Variants in PRKD3 observed in about 807,000 individuals in gnomAD.
PRKD3 encodes protein kinase D3, also known as serine/threonine-protein kinase D3.
PRKD3 carries 47 observed loss-of-function variants against 99.2 expected under a neutral mutation model. The ratio of observed to expected loss-of-function variants is 0.47; its 90% CI spans 0.38 to 0.60. PRKD3 has a LOEUF of 0.60. PRKD3 is among the 20% of genes least tolerant of loss of function. The pLI is 0.00. For missense variants in PRKD3, 1,019 were observed against 1,088.4 expected (o/e 0.94, Z 0.90); for synonymous variants, 392 against 355.4 (o/e 1.10, Z -1.16).
Position 37,273,904 on chromosome 2 carries a change from A to C in PRKD3, c.1651+517T>G, listed in dbSNP as rs150757195. On this transcript the variant is annotated intron_variant, in intron 11 of 18. Transcript: ENST00000234179. ...TGTTGGTGCAAAACATGTTTCAGTG[A>C]TTTTTAAATATTTCTGTATGTTTTA... Among the ~76,000 whole-genome samples the C allele has an allele frequency of 3.9e-3, 600 of 152,290 alleles. 6 individuals carry two copies. Among genetic ancestry groups the C allele is most frequent in the African/African-American group, 0.014 (567 of 41,554 alleles).
intron 2 of PRKD3, among the ~76,000 whole-genome samples, chr2:37,294,281 G>C (rs184420516): frequency 8.7e-4 from 133 of 152,172 alleles, no homozygotes; most frequent in Non-Finnish European, 1.4e-3. Flanking sequence ...GTTCTGTAGA[G>C]ACAGGGGTCT....
chr2:37,287,384 T>A (rs184535320), intron 5 of PRKD3, among the ~76,000 whole-genome samples: 20 of 152,212 alleles, frequency 1.3e-4, no homozygotes, highest in Admixed American at 1.2e-3. Flanking sequence ...CCCTTTTTTT[T>A]CTTTTTTCTC....
chr2:37,300,450 A>C (rs990047141), intron 2 of PRKD3, among the ~76,000 whole-genome samples: 13 of 152,218 alleles, frequency 8.5e-5, no homozygotes, highest in Non-Finnish European at 1.0e-4. Context: ...AATAAGATCC[A>C]GTGTTTGGTA....
intron 3 of PRKD3, among the ~76,000 whole-genome samples, chr2:37,292,639 C>T (rs2888463): frequency 0.16 from 24,123 of 150,956 alleles, 2,042 homozygotes; most frequent in South Asian, 0.28. Flanking sequence ...AGCCACCGCG[C>T]CAGGCCTTTC....
rs551181166 is a variant in PRKD3, at chr2:37,297,673, G to T, written c.289-4402C>A. On this transcript the variant is annotated intron_variant, in intron 2 of 18. Transcript: ENST00000234179. The stretch of plus-strand genomic sequence containing the variant: ...TTAACAATCTTGGCTGTTTTGAGAA[G>T]TTCTGGTCAGGTATATTGCAGGAGG... 1.3e-4 allele frequency among the ~76,000 whole-genome samples: 20 copies of T among 152,314 alleles called. No homozygotes were observed. In the South Asian group the frequency reaches 3.7e-3, roughly 28 times the overall value.
chr2:37,286,319 G>A lies in PRKD3; in HGVS notation c.768C>T (p.Arg256=), dbSNP rs1280953715. 20 of 1,613,916 alleles carry A rather than the reference G, an allele frequency of 1.2e-5. No homozygotes were observed. Among genetic ancestry groups the A allele is most frequent in the Middle Eastern group, 1.6e-4 (1 of 6,084 alleles). Residue 256 remains arginine, a synonymous_variant, in exon 6 of 19, where the codon CGC becomes CGT. Coordinates refer to ENST00000234179, the MANE Select transcript of PRKD3 (RefSeq NM_005813.6). ...PSKRIPSWSG[R]PIWMEKMVMC... ...TTACCATCTTTTCCATCCAGATTGGGCGACCACTCCAAGAAGGAATTCTCT... is the reference window on the plus strand; with the variant it reads ...TTACCATCTTTTCCATCCAGATTGGACGACCACTCCAAGAAGGAATTCTCT...
chr2:37,283,978 C>T (rs1353839686), intron 6 of PRKD3, among the ~76,000 whole-genome samples: 1 of 151,350 alleles, frequency 6.6e-6, no homozygotes, highest in African/African-American at 2.4e-5. Context: ...GGCAGGCAGG[C>T]AGTTTTAGTT....
At chr2:37,308,378 T>A (rs1263015764) in intron 2 of PRKD3, among the ~76,000 whole-genome samples, 1 of 151,942 alleles carries the variant, frequency 6.6e-6, no homozygotes. Flanking sequence ...ATGTAAATTT[T>A]CTTTTGAGTT....
intron 2 of PRKD3, among the ~76,000 whole-genome samples, chr2:37,294,242 C>T (rs1275623141): frequency 6.6e-6 from 1 of 151,416 alleles, no homozygotes; most frequent in Non-Finnish European, 1.5e-5. Flanking sequence ...ACCACAGGTG[C>T]ATGTCACCAC....
chr2:37,268,516 G>C, intron 13 of PRKD3: 3 of 347,016 alleles, frequency 8.6e-6, no homozygotes, highest in Non-Finnish European at 1.1e-5. Flanking sequence ...AAGTTCAGTG[G>C]GAAGACAATA....
chr2:37,252,948 G>A lies in PRKD3; in HGVS notation c.*229C>T, dbSNP rs1041301919. 8 of 348,686 alleles carry A rather than the reference G, an allele frequency of 2.3e-5. No individual in the cohort carries two copies. The highest frequency in any genetic ancestry group is 1.7e-4 in the African/African-American group (8 of 47,314). The allele number at this position is 348,686 out of a possible 1,614,324, so 21.6% of individuals were successfully genotyped here. A position where few individuals can be genotyped will look rare whatever the true frequency, so the allele number is the denominator to read the frequency against. ...AAATACAAAACCAGTTATTGCTTAGGCTAAAAAAGTTTATAAAAAGCTTCA... is the reference window on the plus strand; with the variant it reads ...AAATACAAAACCAGTTATTGCTTAGACTAAAAAAGTTTATAAAAAGCTTCA... On this transcript the variant is annotated 3_prime_UTR_variant, in exon 19 of 19. Transcript: ENST00000234179.
At position 37,269,664 on chromosome 2, in the gene PRKD3, G is replaced by A; in HGVS notation, c.1728C>T (p.Ile576=). 1 of 1,612,354 alleles carries A rather than the reference G, an allele frequency of 6.2e-7. No homozygotes were observed. Among genetic ancestry groups the A allele is most frequent in the Non-Finnish European group, 8.5e-7 (1 of 1,178,462 alleles). The change falls in exon 13 of 19, where the codon ATC becomes ATT. Residue 576 remains isoleucine (I), a synonymous_variant. Coordinates refer to ENST00000234179, the MANE Select transcript of PRKD3 (RefSeq NM_005813.6). The stretch of plus-strand genomic sequence containing the variant: ...CTGAACCAAGCACCTCATCTGCAAA[G>A]ATCTGGTAAACAGTACTGATATCCT... The part of the protein sequence containing the change: ...ENVDISTVYQ[I]FADEVLGSGQ...
chr2:37,306,887 T>C (rs1671193789), intron 2 of PRKD3, among the ~76,000 whole-genome samples: 1 of 152,220 alleles, frequency 6.6e-6, no homozygotes. Flanking sequence ...ATTTGTAAGA[T>C]TTTAATCTAG....
Position 37,250,666 on chromosome 2 carries a change from A to ATACTT in PRKD3, c.*2506_*2510dup, listed in dbSNP as rs1667412898. On this transcript the variant is annotated 3_prime_UTR_variant, in exon 19 of 19. Transcript: ENST00000234179. The stretch of plus-strand genomic sequence containing the variant: ...ACAACCAGGTCAAACTTTTCTTTGG[A>ATACTT]TACTTATACTAGAAATAGGCTCAGG... 1 of 152,082 alleles carries ATACTT rather than the reference A, an allele frequency of 6.6e-6. No homozygotes were observed. The highest frequency in any genetic ancestry group is 1.5e-5 in the Non-Finnish European group (1 of 67,988). The allele number at this position is 152,082 out of a possible 1,614,324, so 9.4% of individuals were successfully genotyped here.
intron 1 of PRKD3, among the ~76,000 whole-genome samples, chr2:37,322,274 G>A (rs894360158): frequency 1.3e-5 from 2 of 152,076 alleles, no homozygotes; most frequent in African/African-American, 2.4e-5. Flanking sequence ...AAGTGTCTAC[G>A]TCGTTGGTTT....
rs1670518547 is a variant in PRKD3, at chr2:37,293,146, T to G, written c.414A>C (p.Glu138Asp). The G allele has an allele frequency of 9.5e-6, 15 of 1,578,336 alleles. No individual in the cohort carries two copies. Among genetic ancestry groups the G allele is most frequent in the Middle Eastern group, 1.7e-4 (1 of 5,942 alleles). The change falls in exon 3 of 19, where the codon GAA (glutamate) becomes GAC (aspartate). Residue 138 changes from glutamate to aspartate, a missense_variant. Coordinates refer to ENST00000234179, the MANE Select transcript of PRKD3 (RefSeq NM_005813.6). ...CCACTTACTTACCTGAAAGAACCACTTCCACTAGGTCTCCTTCATGTATTT... is the reference window on the plus strand; with the variant it reads ...CCACTTACTTACCTGAAAGAACCACGTCCACTAGGTCTCCTTCATGTATTT... ...ADEIHEGDLV[E>D]VVLSALATVE... is the part of the protein sequence containing the mutation.
rs893188553 is a variant in PRKD3 at position 37,251,323 on chromosome 2, G to C, written c.*1854C>G. On this transcript the variant is annotated 3_prime_UTR_variant, in exon 19 of 19. Coordinates refer to ENST00000234179, the MANE Select transcript of PRKD3 (RefSeq NM_005813.6). ...AGATAGTACAGCATAATGGTTGGGA[G>C]GGCTAAGGGTAAGATTAGAGCCATA... 2.1e-4 allele frequency: 32 copies of C among 152,640 alleles called. No individual in the cohort carries two copies. Among genetic ancestry groups the C allele is most frequent in the African/African-American group, 7.5e-4 (31 of 41,540 alleles). The allele number at this position is 152,640 out of a possible 1,614,324, so 9.5% of individuals were successfully genotyped here.
chr2:37,313,616 G>C (rs1671537612), intron 2 of PRKD3, among the ~76,000 whole-genome samples: 1 of 152,134 alleles, frequency 6.6e-6, no homozygotes, highest in Non-Finnish European at 1.5e-5. Flanking sequence ...TAGGAAAACA[G>C]AGAGGTCATA....
At chr2:37,286,059 T>G in intron 6 of PRKD3, 118 bp downstream of exon 6, 1 of 907,404 alleles carries the variant, frequency 1.1e-6, no homozygotes, top group South Asian at 2.1e-5. Context: ...CTTTCCTTTA[T>G]ATAACAATTA....
Sources: gnomAD v4.1 joint callset for allele counts (sites outside exome capture counted in the v4.1 genomes callset) on GRCh38, gnomAD v4.1.1 for gene constraint, MANE v1.5 for transcripts, NCBI Gene and HGNC (gene_info 2026-07-23, HGNC 2026-07-21) for gene names.